GALNTL6: variants seen among roughly 807,000 people sequenced by gnomAD.
GALNTL6 encodes the protein polypeptide N-acetylgalactosaminyltransferase-like 6.
A neutral mutation model predicts 73.7 loss-of-function variants in GALNTL6; 46 were observed. That is an observed-to-expected ratio of 0.62 (90% CI 0.49 to 0.80). The LOEUF (loss-of-function observed/expected upper bound fraction) is 0.80, where lower values mean the gene tolerates loss of function less well. Ranked by LOEUF, GALNTL6 falls within the 30% of genes least tolerant of loss-of-function variation. GALNTL6 has a pLI of 0.00. For missense variants in GALNTL6, 604 were observed against 755.0 expected (o/e 0.80, Z 2.34); for synonymous variants, 259 against 263.7 (o/e 0.98, Z 0.17).
intron 2 of GALNTL6, among the ~76,000 whole-genome samples, chr4:171,884,918 G>A (rs1016500330): frequency 6.6e-6 from 1 of 151,916 alleles, no homozygotes; most frequent in Non-Finnish European, 1.5e-5. Context: ...TTAGCTGAGT[G>A]TGGTGGTGGG....
chr4:172,473,731 T>G (rs555294418), intron 5 of GALNTL6, among the ~76,000 whole-genome samples: 1 of 152,324 alleles, frequency 6.6e-6, no homozygotes, highest in East Asian at 1.9e-4. Context: ...GCCTCAGGAC[T>G]TAAATATCAG....
At chr4:172,181,318 T>G (rs1735235898) in intron 2 of GALNTL6, among the ~76,000 whole-genome samples, 2 of 152,066 alleles carry the variant, frequency 1.3e-5, no homozygotes, top group Admixed American at 1.3e-4. Flanking sequence ...TTCAACATAC[T>G]CAAATCAATA....
chr4:172,616,297 T>C (rs1212831211), intron 5 of GALNTL6, among the ~76,000 whole-genome samples: 2 of 152,194 alleles, frequency 1.3e-5, no homozygotes, highest in African/African-American at 2.4e-5. Context: ...AGCAGTTGTT[T>C]GGTTTTTTGT....
chr4:172,084,061 T>C (rs1005877533), intron 2 of GALNTL6, among the ~76,000 whole-genome samples: 4 of 152,186 alleles, frequency 2.6e-5, no homozygotes, highest in South Asian at 2.1e-4. Flanking sequence ...ATTGATGTCA[T>C]AGGAAACAAG....
At chr4:172,559,058 A>ATTTTTTTTTTT (rs71592081) in intron 5 of GALNTL6, among the ~76,000 whole-genome samples, 1 of 77,380 alleles carries the variant, frequency 1.3e-5, no homozygotes. Context: ...ATGATAATGG[A>ATTTTTTTTTTT]TTTTTTTTTT....
intron 7 of GALNTL6, among the ~76,000 whole-genome samples, chr4:172,868,131 C>T (rs1008520136): frequency 1.3e-5 from 2 of 152,106 alleles, no homozygotes; most frequent in Admixed American, 6.5e-5. Context: ...CAGCCAAAAC[C>T]GAATATTTAG....
At chr4:172,329,271 G>T (rs1459718037) in intron 4 of GALNTL6, among the ~76,000 whole-genome samples, 1 of 152,158 alleles carries the variant, frequency 6.6e-6, no homozygotes, top group Non-Finnish European at 1.5e-5. Context: ...GAGTTGCAGA[G>T]CTGCTATTGG....
intron 2 of GALNTL6, among the ~76,000 whole-genome samples, chr4:171,969,233 G>T (rs1325283254): frequency 2.0e-5 from 3 of 152,020 alleles, no homozygotes; most frequent in Non-Finnish European, 4.4e-5. Flanking sequence ...TCACCTTCTT[G>T]ACTCTGCTAT....
chr4:172,981,792 A>G (rs1194488388), intron 10 of GALNTL6, among the ~76,000 whole-genome samples: 2 of 145,220 alleles, frequency 1.4e-5, no homozygotes, highest in Admixed American at 1.4e-4. Flanking sequence ...AGTAGTATGA[A>G]CGTCTTTTTT....
intron 5 of GALNTL6, among the ~76,000 whole-genome samples, chr4:172,443,254 C>T (rs1225997329): frequency 1.3e-5 from 2 of 148,316 alleles, no homozygotes; most frequent in Non-Finnish European, 3.0e-5. Flanking sequence ...CAACTTCCAC[C>T]TCCTGGTTTC....
intron 3 of GALNTL6, among the ~76,000 whole-genome samples, chr4:172,267,317 T>C (rs532084289): frequency 6.6e-6 from 1 of 152,232 alleles, no homozygotes; most frequent in East Asian, 1.9e-4. Context: ...TGAAGTAGAT[T>C]TAAGGAGAAT....
chr4:172,982,775 C>T (rs951575466), intron 10 of GALNTL6, among the ~76,000 whole-genome samples: 17 of 151,868 alleles, frequency 1.1e-4, no homozygotes, highest in East Asian at 3.9e-4. Context: ...AAAGATAATA[C>T]GAAAAAAATT....
chr4:172,566,604 T>G lies in GALNTL6; in HGVS notation c.553+217915T>G, dbSNP rs561952064. Among the ~76,000 whole-genome samples the G allele has an allele frequency of 6.6e-5, 10 of 151,480 alleles. No individual in the cohort carries two copies. The South Asian group carries it at 1.9e-3, about 28-fold the overall frequency. ...TTAAAAAAATCTCAAATAAACAACA[T>G]AACTTTAAGTATCAAGGACCAAGAA... On this transcript the variant is annotated intron_variant, in intron 5 of 12. Transcript: ENST00000506823.
At chr4:172,430,814 C>T (rs1034969669) in intron 5 of GALNTL6, among the ~76,000 whole-genome samples, 1 of 151,860 alleles carries the variant, frequency 6.6e-6, no homozygotes, top group African/African-American at 2.4e-5. Flanking sequence ...AAACCACCAC[C>T]ACCACAACAA....
At chr4:172,488,705 C>T (rs758184703) in intron 5 of GALNTL6, among the ~76,000 whole-genome samples, 2 of 152,096 alleles carry the variant, frequency 1.3e-5, no homozygotes, top group African/African-American at 2.4e-5. Flanking sequence ...AGATTCAATT[C>T]AGTGAGAAGG....
At chr4:172,769,977 T>C (rs1376470077) in intron 5 of GALNTL6, among the ~76,000 whole-genome samples, 2 of 152,106 alleles carry the variant, frequency 1.3e-5, no homozygotes, top group Non-Finnish European at 2.9e-5. Context: ...CAAATGAGCT[T>C]TTATAGCTGG....
chr4:172,813,467 C>T, intron 6 of GALNTL6, 73 bp from the exon 7 acceptor site: 1 of 1,300,400 alleles, frequency 7.7e-7, no homozygotes, highest in African/African-American at 1.4e-5. Flanking sequence ...GGACTGTAGG[C>T]TTCTCTTTGC....
chr4:172,549,282 G>A (rs1027330449), intron 5 of GALNTL6, among the ~76,000 whole-genome samples: 2 of 152,104 alleles, frequency 1.3e-5, no homozygotes, highest in African/African-American at 4.8e-5. Context: ...GTAGCATATA[G>A]GAGAGCACAT....
rs573666427 is a variant in GALNTL6, at chr4:172,066,544, T to C, written c.139-163112T>C. On this transcript the variant is annotated intron_variant, in intron 2 of 12. Coordinates refer to ENST00000506823, the MANE Select transcript of GALNTL6 (RefSeq NM_001034845.3). Reference sequence around the variant, plus strand: ...TTATGTCTGACCTGGACTTTTTTTTTTTTTTTAATTTCCTGTTATGGAGTG... The same window carrying C: ...TTATGTCTGACCTGGACTTTTTTTTCTTTTTTAATTTCCTGTTATGGAGTG... 3.6e-3 allele frequency among the ~76,000 whole-genome samples: 553 copies of C among 151,832 alleles called. 5 individuals carry two copies. Among genetic ancestry groups the C allele is most frequent in the African/African-American group, 0.013 (531 of 41,440 alleles).
Sources: allele counts gnomAD v4.1 joint callset (sites outside exome capture counted in the v4.1 genomes callset), GRCh38; gene constraint gnomAD v4.1.1; transcripts MANE v1.5; gene names NCBI Gene and HGNC (gene_info 2026-07-23, HGNC 2026-07-21).